Variants in SLC9A4 observed in about 807,000 individuals in gnomAD.
The protein encoded by SLC9A4 is solute carrier family 9 member A4, also known as sodium/hydrogen exchanger 4.
A neutral mutation model predicts 67.4 loss-of-function variants in SLC9A4; 63 were observed. The ratio of observed to expected loss-of-function variants is 0.93; its 90% CI spans 0.76 to 1.15. SLC9A4 has a LOEUF of 1.15. SLC9A4 is among the 50% of genes most tolerant of loss of function. The pLI is 0.00. For synonymous variants in SLC9A4, 393 were observed against 367.2 expected, an observed-to-expected ratio of 1.07 and a Z score of -0.80; for missense variants, 1,089 against 987.7, an observed-to-expected ratio of 1.10 and a Z score of -1.38.
chr2:102,477,047 T>C (rs1684348512), intron 1 of SLC9A4, among the ~76,000 whole-genome samples: 1 of 152,204 alleles, frequency 6.6e-6, no homozygotes, highest in African/African-American at 2.4e-5. Flanking sequence ...GGGAAGCTCA[T>C]ATCATCTATG....
chr2:102,521,907 T>G (rs1254700673), intron 9 of SLC9A4, among the ~76,000 whole-genome samples: 2 of 152,150 alleles, frequency 1.3e-5, no homozygotes, highest in Non-Finnish European at 2.9e-5. Flanking sequence ...GCGACCCTAA[T>G]GCACAGTTGA....
intron 11 of SLC9A4, among the ~76,000 whole-genome samples, chr2:102,530,997 T>C (rs1251395793): frequency 6.6e-6 from 1 of 152,046 alleles, no homozygotes; most frequent in Admixed American, 6.5e-5. Flanking sequence ...TTTGTTTTGT[T>C]TTTTTAGGAG....
chr2:102,504,054 T>TTTTG (rs1684999352), intron 3 of SLC9A4, among the ~76,000 whole-genome samples: 1 of 152,118 alleles, frequency 6.6e-6, no homozygotes, highest in African/African-American at 2.4e-5. Flanking sequence ...AAAAGTGTTT[T>TTTTG]TTTGTTTGTT....
At chr2:102,498,115 A>G (rs148839477) in intron 2 of SLC9A4, among the ~76,000 whole-genome samples, 2 of 152,232 alleles carry the variant, frequency 1.3e-5, no homozygotes, top group African/African-American at 2.4e-5. Flanking sequence ...GAGATTTAGC[A>G]TTGGCTGAGC....
intron 8 of SLC9A4, 135 bp downstream of exon 8, chr2:102,514,386 A>C: frequency 1.7e-6 from 1 of 575,328 alleles, no homozygotes; most frequent in South Asian, 4.2e-5. Context: ...TAAAATATGT[A>C]ATCTAAGTCT....
chr2:102,483,839 T>TACAC (rs1391182060), intron 2 of SLC9A4, among the ~76,000 whole-genome samples: 1,407 of 127,340 alleles, frequency 0.011, 6 homozygotes, highest in Non-Finnish European at 0.017. Context: ...TATATATATA[T>TACAC]ATACACACAC....
At chr2:102,516,073 C>T (rs1298944425) in intron 8 of SLC9A4, among the ~76,000 whole-genome samples, 1 of 152,134 alleles carries the variant, frequency 6.6e-6, no homozygotes, top group Non-Finnish European at 1.5e-5. Flanking sequence ...AATCAGTCTG[C>T]CGGGTGGCAA....
chr2:102,479,051 T>C lies in SLC9A4; in HGVS notation c.469T>C (p.Ser157Pro), dbSNP rs764789429. The change falls in exon 2 of 12, where the codon TCC becomes CCC. Residue 157 changes from serine (S) to proline (P), a missense_variant. Ser to Pro is a moderately conservative substitution (Grantham distance 74, BLOSUM62 -1). Coordinates refer to ENST00000295269, the MANE Select transcript of SLC9A4 (RefSeq NM_001011552.4). ...PTRPFFENIG[S>P]ILWWAVLGAL... ...CCGGCCCTTCTTTGAGAACATCGGC[T>C]CCATCCTGTGGTGGGCAGTATTGGG... 6.2e-7 allele frequency: 1 copy of C among 1,614,118 alleles called. No individual in the cohort carries two copies. Among genetic ancestry groups the C allele is most frequent in the South Asian group, 1.1e-5 (1 of 91,086 alleles).
chr2:102,482,000 A>T (rs945824084), intron 2 of SLC9A4, among the ~76,000 whole-genome samples: 2 of 152,220 alleles, frequency 1.3e-5, no homozygotes, highest in African/African-American at 4.8e-5. Flanking sequence ...AAGGAGGCCC[A>T]TACATGAAGC....
intron 6 of SLC9A4, among the ~76,000 whole-genome samples, chr2:102,510,433 C>T (rs145909717): frequency 1.3e-3 from 200 of 152,344 alleles, no homozygotes; most frequent in Non-Finnish European, 2.3e-3. Flanking sequence ...GCCAAAGCTG[C>T]TGTCTACAAG....
chr2:102,521,797 G>A (rs1299436039), intron 9 of SLC9A4, among the ~76,000 whole-genome samples: 1 of 152,168 alleles, frequency 6.6e-6, no homozygotes, highest in African/African-American at 2.4e-5. Flanking sequence ...AGGCCTGGTA[G>A]CCAGGGCATT....
intron 3 of SLC9A4, 110 bp from the exon 4 acceptor site, chr2:102,505,144 T>C: frequency 1.1e-6 from 1 of 940,806 alleles, no homozygotes; most frequent in Non-Finnish European, 1.6e-6. Flanking sequence ...AAGGGAGATA[T>C]TCCTGCATCA....
In SLC9A4 at chr2:102,489,415, G is replaced by C. The variant is rs550992321; in HGVS notation, c.720+10113G>C. The stretch of plus-strand genomic sequence containing the variant: ...AAATGAAAATCTAGAGCCTGGGCCA[G>C]AGCTCAAACAAGATGCATGTTTGGA... On this transcript the variant is annotated intron_variant, in intron 2 of 11. Transcript: ENST00000295269. Among the ~76,000 whole-genome samples, 4 of 152,332 alleles carry C rather than the reference G, an allele frequency of 2.6e-5. No homozygotes were observed. The South Asian group carries it at 8.3e-4, about 32-fold the overall frequency.
rs1162884143 is a variant in SLC9A4 at position 102,494,661 on chromosome 2, C to T, written c.721-8787C>T. 2.0e-5 allele frequency among the ~76,000 whole-genome samples: 3 copies of T among 151,804 alleles called. No homozygotes were observed. The East Asian group carries it at 5.8e-4, about 29-fold the overall frequency. On this transcript the variant is annotated intron_variant, in intron 2 of 11. Coordinates refer to ENST00000295269, the MANE Select transcript of SLC9A4 (RefSeq NM_001011552.4). ...GATGCAAAAAGATAAACCAAGCAAA[C>T]AATAAGCATAAGAATGTTGATTTGG... is the stretch of plus-strand genomic sequence containing the variant.
intron 9 of SLC9A4, among the ~76,000 whole-genome samples, chr2:102,522,072 C>T (rs569637586): frequency 1.3e-5 from 2 of 152,280 alleles, no homozygotes; most frequent in African/African-American, 4.8e-5. Flanking sequence ...AGGACAACCA[C>T]AGAAGAAGCT....
chr2:102,473,903 T>G lies in SLC9A4; in HGVS notation c.144T>G (p.Ala48=), dbSNP rs1684273945. ...ATGCATCTAACGCTTGGTTTGCTGC[T>G]GCCAGCTCAGAGCCAGAGGAAGGGA... ...AQYASNAWFA[A]ASSEPEEGIS... Residue 48 remains alanine (A), a synonymous_variant, in exon 1 of 12, where the codon GCT becomes GCG. Coordinates refer to ENST00000295269, the MANE Select transcript of SLC9A4 (RefSeq NM_001011552.4). 10 of 1,614,144 alleles carry G rather than the reference T, an allele frequency of 6.2e-6. No individual in the cohort carries two copies. Among genetic ancestry groups the G allele is most frequent in the African/African-American group, 2.7e-5 (2 of 75,064 alleles).
At chr2:102,484,528 A>G (rs1456726097) in intron 2 of SLC9A4, among the ~76,000 whole-genome samples, 1 of 152,196 alleles carries the variant, frequency 6.6e-6, no homozygotes, top group African/African-American at 2.4e-5. Context: ...AACCTGGAGT[A>G]AGCACTCAAT....
intron 8 of SLC9A4, among the ~76,000 whole-genome samples, chr2:102,515,360 T>A (rs1232959151): frequency 6.7e-6 from 1 of 149,916 alleles, no homozygotes; most frequent in Non-Finnish European, 1.5e-5. Context: ...GAATCCTAAC[T>A]AAAAGTCACT....
intron 11 of SLC9A4, among the ~76,000 whole-genome samples, chr2:102,531,383 C>G (rs1215731484): frequency 6.6e-6 from 1 of 151,954 alleles, no homozygotes; most frequent in African/African-American, 2.4e-5. Context: ...AGACAATGTC[C>G]CAGGCATCGG....
Sources: gnomAD v4.1 joint callset for allele counts (sites outside exome capture counted in the v4.1 genomes callset) on GRCh38, gnomAD v4.1.1 for gene constraint, MANE v1.5 for transcripts, NCBI Gene and HGNC (gene_info 2026-07-23, HGNC 2026-07-21) for gene names.